FRMD4A: variants seen among roughly 807,000 people sequenced by gnomAD.
The protein encoded by FRMD4A is FERM domain-containing protein 4A.
A neutral mutation model predicts 129.1 loss-of-function variants in FRMD4A; 29 were observed. The observed-to-expected ratio is 0.22, with a 90% CI of 0.17 to 0.31. The LOEUF is 0.31. FRMD4A is among the 10% of genes least tolerant of loss of function. The pLI, the probability that FRMD4A is intolerant of heterozygous loss-of-function variation, is 1.00. For missense variants in FRMD4A, 1,272 were observed against 1,375.8 expected (o/e 0.92, Z 1.19); for synonymous variants, 634 against 571.6 (o/e 1.11, Z -1.56).
intron 2 of FRMD4A, among the ~76,000 whole-genome samples, chr10:14,263,215 T>C (rs1844863696): frequency 6.6e-6 from 1 of 152,168 alleles, no homozygotes; most frequent in South Asian, 2.1e-4. Flanking sequence ...GACAGCCCGG[T>C]GGCCCAGCTT....
At chr10:13,838,066 T>C (rs376439237) in intron 3 of FRMD4A, among the ~76,000 whole-genome samples, 8 of 152,074 alleles carry the variant, frequency 5.3e-5, no homozygotes, top group African/African-American at 1.7e-4. Context: ...ACAGGAAAGA[T>C]TGCTGAATTA....
chr10:14,131,717 G>A (rs553937290), intron 2 of FRMD4A, among the ~76,000 whole-genome samples: 39 of 152,108 alleles, frequency 2.6e-4, no homozygotes, highest in Non-Finnish European at 4.4e-4. Context: ...AAGATACCAC[G>A]CCACGAGATG....
chr10:13,795,676 G>T (rs2093100731), intron 5 of FRMD4A, among the ~76,000 whole-genome samples: 1 of 152,146 alleles, frequency 6.6e-6, no homozygotes, highest in Non-Finnish European at 1.5e-5. Context: ...CTGTAATTGT[G>T]TTGCAATCAA....
At chr10:14,227,400 T>C (rs1028711362) in intron 2 of FRMD4A, among the ~76,000 whole-genome samples, 5 of 151,872 alleles carry the variant, frequency 3.3e-5, no homozygotes, top group Non-Finnish European at 7.4e-5. Flanking sequence ...TACAGACATG[T>C]ACCACTAACC....
chr10:14,064,429 C>T (rs752309027), intron 2 of FRMD4A, among the ~76,000 whole-genome samples: 4 of 152,130 alleles, frequency 2.6e-5, no homozygotes, highest in African/African-American at 4.8e-5. Context: ...TCCACATTGC[C>T]GTGGCCACCT....
intron 2 of FRMD4A, chr10:14,008,653 G>T: frequency 4.9e-6 from 1 of 205,406 alleles, no homozygotes; most frequent in Non-Finnish European, 8.6e-6. Context: ...AAGACTATTT[G>T]GAATATCACC....
intron 2 of FRMD4A, among the ~76,000 whole-genome samples, chr10:13,953,118 T>C (rs1464036588): frequency 2.0e-5 from 3 of 152,232 alleles, no homozygotes; most frequent in Admixed American, 6.5e-5. Flanking sequence ...GTAGCCCATA[T>C]GGGAAGTACT....
chr10:13,680,295 A>G (rs183446262), intron 15 of FRMD4A, among the ~76,000 whole-genome samples: 11 of 152,164 alleles, frequency 7.2e-5, no homozygotes, highest in Admixed American at 3.9e-4. Flanking sequence ...TGTCTCTACA[A>G]AAACAAAACC....
At chr10:14,068,218 G>T (rs187134977) in intron 2 of FRMD4A, among the ~76,000 whole-genome samples, 4,498 of 152,276 alleles carry the variant, frequency 0.03, 164 homozygotes, top group East Asian at 0.13. Context: ...GGGCGCAGGG[G>T]TTGGGGCAGA....
intron 2 of FRMD4A, among the ~76,000 whole-genome samples, chr10:13,995,766 A>C (rs2095620318): frequency 6.6e-6 from 1 of 151,736 alleles, no homozygotes; most frequent in Non-Finnish European, 1.5e-5. Flanking sequence ...TAAGCACACC[A>C]TTCTACGTTG....
At chr10:13,979,685 T>TATTC (rs2095553883) in intron 2 of FRMD4A, among the ~76,000 whole-genome samples, 2 of 137,810 alleles carry the variant, frequency 1.5e-5, no homozygotes, top group South Asian at 5.5e-4. Context: ...TTCAATGCTC[T>TATTC]ATTCATTTCT....
At chr10:13,735,870 C>A (rs1450437606) in intron 12 of FRMD4A, among the ~76,000 whole-genome samples, 1 of 152,012 alleles carries the variant, frequency 6.6e-6, no homozygotes, top group African/African-American at 2.4e-5. Flanking sequence ...AGAGAAGAGT[C>A]AGGCCAGGTG....
chr10:14,189,371 C>G (rs1842247860), intron 2 of FRMD4A, among the ~76,000 whole-genome samples: 1 of 152,120 alleles, frequency 6.6e-6, no homozygotes, highest in African/African-American at 2.4e-5. Flanking sequence ...GTCAGGAGTT[C>G]AAGACCAGCC....
At chr10:14,276,398 A>T (rs1301808359) in intron 2 of FRMD4A, among the ~76,000 whole-genome samples, 1 of 152,170 alleles carries the variant, frequency 6.6e-6, no homozygotes, top group South Asian at 2.1e-4. Flanking sequence ...GGGCCACAAG[A>T]GCCACTTGGC....
At chr10:13,856,912 G>C (rs1423396022) in intron 3 of FRMD4A, among the ~76,000 whole-genome samples, 3 of 152,132 alleles carry the variant, frequency 2.0e-5, no homozygotes, top group Non-Finnish European at 4.4e-5. Context: ...TTCAGGAAAA[G>C]CATGTAAAAT....
intron 2 of FRMD4A, among the ~76,000 whole-genome samples, chr10:14,047,266 G>T (rs74122446): frequency 0.036 from 5,487 of 152,230 alleles, 376 homozygotes; most frequent in African/African-American, 0.12. Context: ...AACCAAGAAG[G>T]TTACGTGGGT....
chr10:13,806,954 T>C (rs1299058643), intron 4 of FRMD4A, among the ~76,000 whole-genome samples: 1 of 152,164 alleles, frequency 6.6e-6, no homozygotes, highest in African/African-American at 2.4e-5. Context: ...ATTACAGGCA[T>C]GTGACACCAT....
intron 2 of FRMD4A, among the ~76,000 whole-genome samples, chr10:14,131,403 C>CCCA (rs1439944138): frequency 2.6e-5 from 4 of 151,598 alleles, no homozygotes; most frequent in Admixed American, 2.0e-4. Context: ...TGTGCCCCCC[C>CCCA]CGGCCGCCCT....
chr10:13,675,022 C>T lies in FRMD4A; in HGVS notation c.1140G>A (p.Ser380=), dbSNP rs747792938. 2.9e-5 allele frequency: 47 copies of T among 1,613,346 alleles called. No individual in the cohort carries two copies. The highest frequency in any genetic ancestry group is 8.9e-5 in the East Asian group (4 of 44,894). The change falls in exon 16 of 25, where the codon TCG becomes TCA. Residue 380 remains serine, a synonymous_variant. Transcript: ENST00000357447. ...CCAGCATGTCCTTCTTGGCCGACTG[C>T]GAGCTATCTGATTCCTGAGAACCTG... ...LSSGSQESDS[S]QSAKKDMLAA...
Sources: gnomAD v4.1 joint callset for allele counts (sites outside exome capture counted in the v4.1 genomes callset) on GRCh38, gnomAD v4.1.1 for gene constraint, MANE v1.5 for transcripts, NCBI Gene and HGNC (gene_info 2026-07-23, HGNC 2026-07-21) for gene names.